The following TAFA4 variants were observed in gnomAD, a reference collection of about 807,000 sequenced individuals.
TAFA4 encodes chemokine-like protein TAFA-4.
In TAFA4, 20 loss-of-function variants were observed where a neutral mutation model predicts 21.1. The ratio of observed to expected loss-of-function variants is 0.95; its 90% CI spans 0.67 to 1.38. The LOEUF is 1.38. Among genes scored for constraint, TAFA4 ranks in the 40% most tolerant of loss-of-function variants. The probability of loss-of-function intolerance (pLI) is 0.00; values close to 1 mark genes in which losing one functional copy is unlikely to be tolerated. For missense variants in TAFA4, 211 were observed against 180.9 expected (o/e 1.17, Z -0.95); for synonymous variants, 71 against 67.4 (o/e 1.05, Z -0.26).
intron 1 of TAFA4, among the ~76,000 whole-genome samples, chr3:68,887,693 T>A (rs2106960281): frequency 6.6e-6 from 1 of 152,236 alleles, no homozygotes; most frequent in African/African-American, 2.4e-5. Context: ...TAGCTGTACC[T>A]GGGCCTGCTT....
At chr3:68,817,390 T>C (rs1704006680) in intron 3 of TAFA4, among the ~76,000 whole-genome samples, 1 of 152,182 alleles carries the variant, frequency 6.6e-6, no homozygotes, top group Non-Finnish European at 1.5e-5. Flanking sequence ...CTCAAATTCC[T>C]CATAGTCATC....
At chr3:68,764,832 T>C (rs946095185) in intron 3 of TAFA4, among the ~76,000 whole-genome samples, 5 of 152,110 alleles carry the variant, frequency 3.3e-5, no homozygotes, top group African/African-American at 4.8e-5. Context: ...TGAGAGAGCA[T>C]AGTTGCAAAG....
At chr3:68,823,267 A>G (rs1012792141) in intron 3 of TAFA4, among the ~76,000 whole-genome samples, 1 of 152,168 alleles carries the variant, frequency 6.6e-6, no homozygotes, top group African/African-American at 2.4e-5. Context: ...ATTTCTTTCA[A>G]CGATGAATAC....
At chr3:68,803,302 T>C (rs893944574) in intron 3 of TAFA4, among the ~76,000 whole-genome samples, 4 of 152,196 alleles carry the variant, frequency 2.6e-5, no homozygotes, top group Non-Finnish European at 4.4e-5. Flanking sequence ...CAGAATGGGT[T>C]TGAAACTGCT....
chr3:68,917,311 G>A (rs557437502), intron 1 of TAFA4, among the ~76,000 whole-genome samples: 36 of 152,222 alleles, frequency 2.4e-4, no homozygotes, highest in Middle Eastern at 3.4e-3. Flanking sequence ...GATATAAACA[G>A]CACCTCAACT....
At chr3:68,829,381 G>A (rs890319137) in intron 3 of TAFA4, among the ~76,000 whole-genome samples, 1 of 152,182 alleles carries the variant, frequency 6.6e-6, no homozygotes, top group Non-Finnish European at 1.5e-5. Context: ...CTGGTTTATT[G>A]ACAGTTTTTA....
intron 4 of TAFA4, among the ~76,000 whole-genome samples, chr3:68,740,986 T>C (rs1559754948): frequency 6.6e-6 from 1 of 152,248 alleles, no homozygotes; most frequent in Non-Finnish European, 1.5e-5. Context: ...AGTTGTCTAT[T>C]CTGTTCCATG....
At chr3:68,850,270 A>G (rs1250667238) in intron 3 of TAFA4, among the ~76,000 whole-genome samples, 1 of 152,182 alleles carries the variant, frequency 6.6e-6, no homozygotes, top group African/African-American at 2.4e-5. Context: ...CTTTTCATTC[A>G]TTCAACAATA....
chr3:68,859,111 T>C (rs1459612695), intron 3 of TAFA4, among the ~76,000 whole-genome samples: 1 of 152,126 alleles, frequency 6.6e-6, no homozygotes, highest in East Asian at 1.9e-4. Flanking sequence ...TCAAATCTTG[T>C]GATTTTCACA....
chr3:68,771,382 A>C (rs775533756), intron 3 of TAFA4, among the ~76,000 whole-genome samples: 1 of 152,178 alleles, frequency 6.6e-6, no homozygotes, highest in Non-Finnish European at 1.5e-5. Flanking sequence ...ACCCCTAGAC[A>C]CTGCCATGGG....
intron 3 of TAFA4, among the ~76,000 whole-genome samples, chr3:68,831,169 G>A (rs1704381434): frequency 1.3e-5 from 2 of 152,038 alleles, no homozygotes; most frequent in Non-Finnish European, 2.9e-5. Flanking sequence ...CTTTTAATTG[G>A]GGCCTTTAGC....
At chr3:68,903,806 C>A in intron 1 of TAFA4, among the ~76,000 whole-genome samples, 1 of 152,176 alleles carries the variant, frequency 6.6e-6, no homozygotes, top group African/African-American at 2.4e-5. Flanking sequence ...CTTCATCAAA[C>A]TCCCAAAGGG....
intron 3 of TAFA4, among the ~76,000 whole-genome samples, chr3:68,797,396 G>C (rs150580139): frequency 6.6e-6 from 1 of 151,966 alleles, no homozygotes; most frequent in Non-Finnish European, 1.5e-5. Context: ...GGTGGATCAC[G>C]AGGTCAGGAG....
chr3:68,898,032 G>A (rs535658824), intron 1 of TAFA4, among the ~76,000 whole-genome samples: 2 of 152,294 alleles, frequency 1.3e-5, no homozygotes, highest in South Asian at 2.1e-4. Context: ...AGGTAAATAC[G>A]AATGGGAGGA....
At chr3:68,785,263 G>C (rs1021141815) in intron 3 of TAFA4, among the ~76,000 whole-genome samples, 2 of 152,236 alleles carry the variant, frequency 1.3e-5, no homozygotes, top group African/African-American at 2.4e-5. Flanking sequence ...AGTGGATCTC[G>C]CACTGGGGCT....
chr3:68,922,137 T>G (rs953747884), intron 1 of TAFA4, among the ~76,000 whole-genome samples: 16 of 152,204 alleles, frequency 1.1e-4, no homozygotes, highest in African/African-American at 3.9e-4. Context: ...TATAAAAATC[T>G]CTGTATTAAA....
At chr3:68,851,321 A>G (rs1461105583) in intron 3 of TAFA4, among the ~76,000 whole-genome samples, 8 of 152,092 alleles carry the variant, frequency 5.3e-5, no homozygotes, top group Admixed American at 5.2e-4. Flanking sequence ...GGGGAACAAC[A>G]CACACTAGAA....
intron 1 of TAFA4, among the ~76,000 whole-genome samples, chr3:68,915,118 C>G (rs907302441): frequency 2.6e-5 from 4 of 152,100 alleles, no homozygotes; most frequent in Non-Finnish European, 5.9e-5. Context: ...GTGATGCGGT[C>G]CCATGAAGTC....
intron 4 of TAFA4, among the ~76,000 whole-genome samples, chr3:68,741,192 AATTTTGTTAGGG>A (rs1387811598): frequency 6.6e-6 from 1 of 152,106 alleles, no homozygotes; most frequent in Non-Finnish European, 1.5e-5. Flanking sequence ...ATGCCACTGG[AATTTTGTTAGGG>A]ATTGTATCTG....
Sources: gnomAD v4.1 joint callset for allele counts (sites outside exome capture counted in the v4.1 genomes callset) on GRCh38, gnomAD v4.1.1 for gene constraint, MANE v1.5 for transcripts, NCBI Gene and HGNC (gene_info 2026-07-23, HGNC 2026-07-21) for gene names.